Variants in UNK observed in about 807,000 individuals in gnomAD.
UNK encodes RING finger protein unkempt homolog.
In UNK, 32 loss-of-function variants were observed where a neutral mutation model predicts 97.6. The ratio of observed to expected loss-of-function variants is 0.33; its 90% confidence interval spans 0.25 to 0.44. The LOEUF is 0.44. Among genes scored for constraint, UNK ranks in the 20% least tolerant of loss-of-function variants. The probability of loss-of-function intolerance (pLI) is 1.00; values close to 1 mark genes in which losing one functional copy is unlikely to be tolerated. For missense variants in UNK, 771 were observed against 1,098.4 expected (o/e 0.70, Z 4.21); for synonymous variants, 441 against 461.2 (o/e 0.96, Z 0.56).
At chr17:75,789,279 A>G (rs575090495) in intron 1 of UNK, among the ~76,000 whole-genome samples, 1 of 152,266 alleles carries the variant, frequency 6.6e-6, no homozygotes. Context: ...TTTGCTTAGC[A>G]CTTAGTAAAA....
chr17:75,792,292 TTTTTG>T (rs973641364), intron 1 of UNK: 64 of 976,844 alleles, frequency 6.6e-5, no homozygotes, highest in Middle Eastern at 1.0e-3. Flanking sequence ...TTTGTTTTTG[TTTTTG>T]TTTTTTTTAA....
intron 13 of UNK, chr17:75,821,985 G>A (rs1390035852): frequency 6.5e-6 from 2 of 309,044 alleles, no homozygotes; most frequent in South Asian, 5.5e-5. Context: ...CAAGGGGGAT[G>A]GCCCCAAGGC....
chr17:75,787,764 G>A (rs1306053553), intron 1 of UNK, among the ~76,000 whole-genome samples: 1 of 151,278 alleles, frequency 6.6e-6, no homozygotes, highest in African/African-American at 2.4e-5. Context: ...GGCAGAGGTT[G>A]CAGTGAGCAG....
At chr17:75,790,446 CA>C (rs1421597271) in intron 1 of UNK, among the ~76,000 whole-genome samples, 1 of 151,958 alleles carries the variant, frequency 6.6e-6, no homozygotes, top group Non-Finnish European at 1.5e-5. Context: ...GCATGGGCAA[CA>C]TAGCAAGACC....
intron 1 of UNK, among the ~76,000 whole-genome samples, chr17:75,798,245 A>G (rs1029444304): frequency 4.0e-5 from 6 of 151,636 alleles, no homozygotes; most frequent in African/African-American, 1.2e-4. Context: ...TAATTTTTGT[A>G]TTTTTTAGTA....
rs370096297 is a variant in UNK, at chr17:75,818,721, C to A, written c.1451C>A (p.Thr484Asn). The A allele has an allele frequency of 6.2e-6, 10 of 1,611,884 alleles. No homozygotes were observed. Among genetic ancestry groups the A allele is most frequent in the Non-Finnish European group, 8.5e-6 (10 of 1,178,940 alleles). The change falls in exon 11 of 16, where the codon ACC becomes AAC. Residue 484 changes from threonine (T) to asparagine (N), a missense_variant. By Grantham distance (65) the Thr-to-Asn change is moderately conservative (BLOSUM62 0). This residue lies in a region of UNK where 192 missense variants were observed against 202.4 expected (regional missense o/e 0.95). Transcript: ENST00000589666. The surrounding 1 kb of genome is among the most constrained non-coding windows in gnomAD (Gnocchi z 5.1). ...SSSITSSLAATPPSPVGTSSV... is the reference protein window; with the variant it reads ...SSSITSSLAANPPSPVGTSSV... ...AGTATCACCTCCAGCCTGGCAGCTACCCCCCCTAGCCCAGTGGGCACCAGC... is the reference window on the plus strand; with the variant it reads ...AGTATCACCTCCAGCCTGGCAGCTAACCCCCCTAGCCCAGTGGGCACCAGC...
intron 5 of UNK, 58 bp from the exon 6 acceptor site, chr17:75,813,703 C>T: frequency 6.8e-7 from 1 of 1,463,146 alleles, no homozygotes; most frequent in Non-Finnish European, 9.3e-7. Context: ...GTGGCACCTG[C>T]TAGGCTCCGA....
chr17:75,793,661 C>T (rs1599360154), intron 1 of UNK: 1 of 983,510 alleles, frequency 1.0e-6, no homozygotes, highest in Non-Finnish European at 1.2e-6. Context: ...CCTCCCCTTC[C>T]TTATTCTTTA....
chr17:75,812,408 C>T, intron 3 of UNK, 47 bp from the exon 4 acceptor site: 1 of 1,589,650 alleles, frequency 6.3e-7, no homozygotes, highest in Non-Finnish European at 8.6e-7. Flanking sequence ...GGTTCTTGCC[C>T]CCTCATGCCC....
intron 13 of UNK, chr17:75,821,453 G>T (rs1194686771): frequency 9.0e-6 from 4 of 446,594 alleles, no homozygotes; most frequent in Non-Finnish European, 1.8e-5. Context: ...AGGAGAGATG[G>T]GTGGGACAGG....
Position 75,816,671 on chromosome 17 carries a change from G to T in UNK, c.962-99G>T, listed in dbSNP as rs1270773916. The T allele has an allele frequency of 1.4e-6, 2 of 1,410,890 alleles. No individual in the cohort carries two copies. The highest frequency in any genetic ancestry group is 1.9e-6 in the Non-Finnish European group (2 of 1,065,852). The allele number at this position is 1,410,890 out of a possible 1,614,324, so 87.4% of individuals were successfully genotyped here. On this transcript the variant is annotated intron_variant, in intron 7 of 15. Coordinates refer to ENST00000589666, the MANE Select transcript of UNK (RefSeq NM_001080419.3). This position sits in a 1 kb window ranked among gnomAD's most constrained non-coding sequence, Gnocchi z 4.0. ...TGTCGTAGGAACCTTCCCTTTATGT[G>T]CAGGGGGATTTGTGGTCTCCTTTGG...
chr17:75,801,187 G>A (rs977402823), intron 1 of UNK, among the ~76,000 whole-genome samples: 23 of 152,126 alleles, frequency 1.5e-4, no homozygotes, highest in African/African-American at 5.6e-4. Context: ...ACCGGTGTGA[G>A]CCACTGCACC....
chr17:75,805,809 AATGTGTGTGT>A (rs2061907869), intron 1 of UNK, among the ~76,000 whole-genome samples: 1 of 96,532 alleles, frequency 1.0e-5, no homozygotes, highest in African/African-American at 6.1e-5. Context: ...TAAAAAGAAA[AATGTGTGTGT>A]GTGTGTGTGT....
intron 1 of UNK, among the ~76,000 whole-genome samples, chr17:75,789,081 T>A (rs1244105319): frequency 6.6e-6 from 1 of 152,224 alleles, no homozygotes; most frequent in East Asian, 1.9e-4. Flanking sequence ...GGATTATTCA[T>A]AACATAGTTT....
In UNK at chr17:75,818,834, G is replaced by A. The variant is rs759366377; in HGVS notation, c.1546+18G>A. 7.7e-6 allele frequency: 12 copies of A among 1,566,534 alleles called. No homozygotes were observed. Among genetic ancestry groups the A allele is most frequent in the African/African-American group, 1.4e-5 (1 of 73,678 alleles). ...AGTCATAGGTAACTAGGCCATTTCTGTTTGAAAGCCCAGGACTGGGTCTGG... is the reference window on the plus strand; with the variant it reads ...AGTCATAGGTAACTAGGCCATTTCTATTTGAAAGCCCAGGACTGGGTCTGG... On this transcript the variant is annotated intron_variant, in intron 11 of 15. Coordinates refer to ENST00000589666, the MANE Select transcript of UNK (RefSeq NM_001080419.3). The surrounding 1 kb of genome is among the most constrained non-coding windows in gnomAD (Gnocchi z 5.1).
chr17:75,812,194 G>A lies in UNK; in HGVS notation c.397G>A (p.Glu133Lys). The part of the protein sequence containing the change: ...RYYKTGICIH[E>K]TDSKGNCTKN... Reference sequence around the variant, plus strand: ...CTACAAAACTGGAATCTGCATCCACGAGACAGACTCGAAAGGCAACTGCAC... The same window carrying A: ...CTACAAAACTGGAATCTGCATCCACAAGACAGACTCGAAAGGCAACTGCAC... The change falls in exon 3 of 16, where the codon GAG (glutamate) becomes AAG (lysine). Residue 133 changes from glutamate to lysine, a missense_variant. Physicochemically the swap from Glu to Lys is moderately conservative, Grantham distance 56 (BLOSUM62 1). Coordinates refer to ENST00000589666, the MANE Select transcript of UNK (RefSeq NM_001080419.3). 1 of 1,614,062 alleles carries A rather than the reference G, an allele frequency of 6.2e-7. No individual in the cohort carries two copies. The highest frequency in any genetic ancestry group is 8.5e-7 in the Non-Finnish European group (1 of 1,179,938).
chr17:75,811,762 G>A lies in UNK; in HGVS notation c.315-350G>A, dbSNP rs2061971190. ...CTAGCACTTTGGGAGGTTGAGGTGG[G>A]CAGATCATGAGGTCAGGAGATCGAG... is the stretch of plus-strand genomic sequence containing the variant. On this transcript the variant is annotated intron_variant, in intron 2 of 15. Coordinates refer to ENST00000589666, the MANE Select transcript of UNK (RefSeq NM_001080419.3). Among the ~76,000 whole-genome samples the A allele has an allele frequency of 1.3e-5, 2 of 152,168 alleles. 1 individual carries two copies. Among genetic ancestry groups the A allele is most frequent in the South Asian group, 4.1e-4 (2 of 4,826 alleles).
At position 75,823,410 on chromosome 17, in the gene UNK, C is replaced by T. The variant is rs746197007; in HGVS notation, c.2165C>T (p.Ala722Val). ...CAGGAGGAGCTGGAGCGGCTACACG[C>T]GGGGCCTGAGCCCCAGGCCCTGCCC... ...KLQEELERLH[A>V]GPEPQALPAF... Residue 722 changes from alanine to valine, a missense_variant, in exon 15 of 16, where the codon GCG becomes GTG. Transcript: ENST00000589666. The T allele has an allele frequency of 1.4e-5, 22 of 1,602,690 alleles. No individual in the cohort carries two copies. The highest frequency in any genetic ancestry group is 4.5e-5 in the East Asian group (2 of 44,488).
rs1398485256 is a variant in UNK at position 75,819,492 on chromosome 17, A to C, written c.1547-192A>C. 1 of 601,826 alleles carries C rather than the reference A, an allele frequency of 1.7e-6. No individual in the cohort carries two copies. The allele number at this position is 601,826 out of a possible 1,614,324, so 37.3% of individuals were successfully genotyped here. A position where few individuals can be genotyped will look rare whatever the true frequency, so the allele number is the denominator to read the frequency against. ...GAAAGGAGAGGCATTTGGGTTGGAC[A>C]TGACTGGCAGACGGTGTCAGAAGTC... On this transcript the variant is annotated intron_variant, in intron 11 of 15. Transcript: ENST00000589666. This position sits in a 1 kb window ranked among gnomAD's most constrained non-coding sequence, Gnocchi z 5.4.
Sources: allele counts gnomAD v4.1 joint callset (sites outside exome capture counted in the v4.1 genomes callset), GRCh38; gene constraint gnomAD v4.1.1; regional missense constraint gnomAD v4.1.1; non-coding constraint Gnocchi (gnomAD v3.1); transcripts MANE v1.5; gene names NCBI Gene and HGNC (gene_info 2026-07-23, HGNC 2026-07-21).